Variants in SYT9 observed in about 807,000 individuals in gnomAD.
The protein encoded by SYT9 is synaptotagmin-9.
In SYT9, 22 loss-of-function variants were observed where a neutral mutation model predicts 48.4. That is an observed-to-expected ratio of 0.45 (90% CI 0.32 to 0.65). The LOEUF (loss-of-function observed/expected upper bound fraction) is 0.65, where lower values mean the gene tolerates loss of function less well. Ranked by LOEUF, SYT9 falls within the 30% of genes least tolerant of loss-of-function variation. The probability of loss-of-function intolerance (pLI) is 0.03; values close to 1 mark genes in which losing one functional copy is unlikely to be tolerated. For synonymous variants in SYT9, 265 were observed against 245.0 expected, an observed-to-expected ratio of 1.08 and a Z score of -0.76; for missense variants, 577 against 622.0, an observed-to-expected ratio of 0.93 and a Z score of 0.77.
intron 6 of SYT9, among the ~76,000 whole-genome samples, chr11:7,446,666 T>G (rs12290844): frequency 2.0e-5 from 3 of 152,046 alleles, no homozygotes; most frequent in Non-Finnish European, 2.9e-5. Context: ...CCCCCCAGCC[T>G]CTCTGCCTTG....
chr11:7,379,806 A>G (rs1329157464), intron 3 of SYT9, among the ~76,000 whole-genome samples: 3 of 152,092 alleles, frequency 2.0e-5, no homozygotes, highest in African/African-American at 4.8e-5. Context: ...GCTGGCAAGG[A>G]TGTGGAGAAA....
intron 3 of SYT9, among the ~76,000 whole-genome samples, chr11:7,367,011 C>T (rs916282270): frequency 3.4e-5 from 5 of 148,588 alleles, no homozygotes; most frequent in Non-Finnish European, 5.9e-5. Context: ...CTGGTGTATA[C>T]GAAGGTATAA....
chr11:7,260,415 TG>T (rs1466197525), intron 1 of SYT9, among the ~76,000 whole-genome samples: 1 of 152,138 alleles, frequency 6.6e-6, no homozygotes. Flanking sequence ...GGATGGATCC[TG>T]GGTAACAGTA....
chr11:7,314,200 C>G, intron 3 of SYT9: 3 of 591,958 alleles, frequency 5.1e-6, no homozygotes, highest in Non-Finnish European at 6.3e-6. Context: ...TAGCTAGCCC[C>G]TAAGAGACAG....
intron 3 of SYT9, among the ~76,000 whole-genome samples, chr11:7,395,672 T>G (rs1846738113): frequency 6.6e-6 from 1 of 152,164 alleles, no homozygotes; most frequent in African/African-American, 2.4e-5. Flanking sequence ...CCTGTTCTTT[T>G]TTGCTTCCTG....
upstream of SYT9, chr11:7,251,809 T>A (rs970053409): frequency 2.3e-5 from 4 of 172,934 alleles, no homozygotes; most frequent in African/African-American, 9.5e-5. Flanking sequence ...GTCCCCGGTC[T>A]GGGGCCGCCG....
intron 1 of SYT9, among the ~76,000 whole-genome samples, chr11:7,256,928 C>T (rs955825405): frequency 2.0e-5 from 3 of 152,136 alleles, no homozygotes; most frequent in Non-Finnish European, 4.4e-5. Flanking sequence ...TTTTCTAGGT[C>T]ATGGTTTTCA....
chr11:7,343,203 T>C (rs541495915), intron 3 of SYT9, among the ~76,000 whole-genome samples: 4 of 152,378 alleles, frequency 2.6e-5, no homozygotes, highest in South Asian at 2.1e-4. Flanking sequence ...TTGTGACTTA[T>C]GCAAATTTCT....
chr11:7,417,646 C>T (rs1847277370), intron 4 of SYT9, among the ~76,000 whole-genome samples: 1 of 152,216 alleles, frequency 6.6e-6, no homozygotes, highest in South Asian at 2.1e-4. Context: ...ATTTCTCTTG[C>T]TATCCTGGCC....
chr11:7,272,576 C>T (rs1328072433), intron 1 of SYT9, among the ~76,000 whole-genome samples: 1 of 152,146 alleles, frequency 6.6e-6, no homozygotes, highest in African/African-American at 2.4e-5. Context: ...GGACTGGTCA[C>T]TGTCCTTGGT....
intron 1 of SYT9, among the ~76,000 whole-genome samples, chr11:7,268,209 T>G (rs114113117): frequency 6.6e-6 from 1 of 152,020 alleles, no homozygotes; most frequent in Non-Finnish European, 1.5e-5. Context: ...AGCACAAGAA[T>G]TAAAGGTCAT....
At chr11:7,251,785 G>A (rs190070787), upstream of SYT9, among the ~76,000 whole-genome samples, 1 of 152,128 alleles carries the variant, frequency 6.6e-6, no homozygotes, top group Non-Finnish European at 1.5e-5. Flanking sequence ...GCCAGGAGCC[G>A]GGGAGTACCC....
At chr11:7,455,170 C>T (rs1235601499) in intron 6 of SYT9, among the ~76,000 whole-genome samples, 1 of 148,380 alleles carries the variant, frequency 6.7e-6, no homozygotes, top group Non-Finnish European at 1.5e-5. Flanking sequence ...TTTTCAAACA[C>T]ATTTAAGGGC....
intron 3 of SYT9, among the ~76,000 whole-genome samples, chr11:7,370,060 T>TC (rs1260901731): frequency 6.6e-6 from 1 of 151,860 alleles, no homozygotes; most frequent in Non-Finnish European, 1.5e-5. Flanking sequence ...CTCCCACTCT[T>TC]CCCCCCAAGT....
chr11:7,251,275 G>C (rs1415037022), upstream of SYT9, among the ~76,000 whole-genome samples: 2 of 146,756 alleles, frequency 1.4e-5, no homozygotes, highest in Non-Finnish European at 1.5e-5. Flanking sequence ...CTTTGGCAAT[G>C]TTTGGATTTC....
chr11:7,397,108 T>G (rs1186005010), intron 3 of SYT9, among the ~76,000 whole-genome samples: 1 of 152,190 alleles, frequency 6.6e-6, no homozygotes, highest in Non-Finnish European at 1.5e-5. Flanking sequence ...TATGTTTTCT[T>G]GTAGAAGATT....
intron 3 of SYT9, among the ~76,000 whole-genome samples, chr11:7,337,505 A>G (rs1318921593): frequency 1.3e-5 from 2 of 152,168 alleles, no homozygotes; most frequent in African/African-American, 2.4e-5. Context: ...TGGGTTTGTC[A>G]TAGATGGATC....
At chr11:7,464,298 A>T (rs1848290654) in intron 6 of SYT9, among the ~76,000 whole-genome samples, 2 of 152,196 alleles carry the variant, frequency 1.3e-5, no homozygotes. Context: ...TAGGGTTCTT[A>T]AAGGAAGCTC....
intron 3 of SYT9, among the ~76,000 whole-genome samples, chr11:7,319,186 C>CTT (rs1849294575): frequency 2.5e-5 from 2 of 79,278 alleles, no homozygotes; most frequent in African/African-American, 9.7e-5. Flanking sequence ...TTCTTTTCTT[C>CTT]TTTTTCTTTT....
Sources: gnomAD v4.1 joint callset for allele counts (sites outside exome capture counted in the v4.1 genomes callset) on GRCh38, gnomAD v4.1.1 for gene constraint, MANE v1.5 for transcripts, NCBI Gene and HGNC (gene_info 2026-07-23, HGNC 2026-07-21) for gene names.